The following PTPRR variants were observed in gnomAD, a reference collection of about 807,000 sequenced individuals.
PTPRR encodes protein tyrosine phosphatase receptor type R, also known as receptor-type tyrosine-protein phosphatase R.
A neutral mutation model predicts 77.2 loss-of-function variants in PTPRR; 38 were observed. That is an observed-to-expected ratio of 0.49 (90% CI 0.38 to 0.65). The LOEUF (loss-of-function observed/expected upper bound fraction) is 0.65. Ranked by LOEUF, PTPRR falls within the 30% of genes least tolerant of loss-of-function variation. The pLI is 0.00. For missense variants in PTPRR, 744 were observed against 799.2 expected, an observed-to-expected ratio of 0.93 and a Z score of 0.83; for synonymous variants, 299 against 283.1, an observed-to-expected ratio of 1.06 and a Z score of -0.57.
chr12:70,639,064 C>A lies in PTPRR; in HGVS notation c.*120G>T. On this transcript the variant is annotated 3_prime_UTR_variant, in exon 14 of 14. Coordinates refer to ENST00000283228, the MANE Select transcript of PTPRR (RefSeq NM_002849.4). ...TTGCCCAGTCTTCCACAATCCATGCCATACATGGGCTTCAGAGCTTCTCCT... is the reference window on the plus strand; with the variant it reads ...TTGCCCAGTCTTCCACAATCCATGCAATACATGGGCTTCAGAGCTTCTCCT... 1.3e-6 allele frequency: 1 copy of A among 787,206 alleles called. No homozygotes were observed. Among genetic ancestry groups the A allele is most frequent in the Non-Finnish European group, 2.1e-6 (1 of 479,456 alleles). The allele number at this position is 787,206 out of a possible 1,614,324, so 48.8% of individuals were successfully genotyped here.
rs185358293 is a variant in PTPRR at position 70,784,730 on chromosome 12, A to G, written c.358-19952T>C. Among the ~76,000 whole-genome samples, 25 of 152,376 alleles carry G rather than the reference A, an allele frequency of 1.6e-4. No homozygotes were observed. In the East Asian group the frequency reaches 4.2e-3, roughly 26 times the overall value. ...AAAGATACGTGTTTACTGCACATCAATGTTGAAAATGAATAGTTTAGTGAC... is the reference window on the plus strand; with the variant it reads ...AAAGATACGTGTTTACTGCACATCAGTGTTGAAAATGAATAGTTTAGTGAC... On this transcript the variant is annotated intron_variant, in intron 2 of 13. Coordinates refer to ENST00000283228, the MANE Select transcript of PTPRR (RefSeq NM_002849.4).
chr12:70,849,847 T>C (rs1000329883), intron 2 of PTPRR, among the ~76,000 whole-genome samples: 6 of 152,126 alleles, frequency 3.9e-5, no homozygotes, highest in African/African-American at 9.7e-5. Context: ...AACATAAACA[T>C]GTGACTTTCT....
intron 6 of PTPRR, among the ~76,000 whole-genome samples, chr12:70,734,100 G>A (rs1889781498): frequency 6.6e-6 from 1 of 152,104 alleles, no homozygotes; most frequent in African/African-American, 2.4e-5. Flanking sequence ...GCTTATGCTG[G>A]GAATTATCTG....
chr12:70,874,300 A>G (rs1003484217), intron 2 of PTPRR, among the ~76,000 whole-genome samples: 1 of 152,170 alleles, frequency 6.6e-6, no homozygotes, highest in Admixed American at 6.5e-5. Flanking sequence ...AAATAAGTAG[A>G]GTGGTGGCAT....
intron 2 of PTPRR, among the ~76,000 whole-genome samples, chr12:70,773,658 C>T (rs1891029123): frequency 6.6e-6 from 1 of 152,162 alleles, no homozygotes; most frequent in Non-Finnish European, 1.5e-5. Flanking sequence ...ATAGATCTTT[C>T]TGTTCCAGGT....
chr12:70,767,583 A>C (rs934507184), intron 2 of PTPRR, among the ~76,000 whole-genome samples: 8 of 152,150 alleles, frequency 5.3e-5, no homozygotes, highest in Non-Finnish European at 8.8e-5. Flanking sequence ...TTAACACCCC[A>C]CTGTCAACAT....
chr12:70,783,979 C>T (rs973672810), intron 2 of PTPRR, among the ~76,000 whole-genome samples: 5 of 152,014 alleles, frequency 3.3e-5, no homozygotes, highest in Admixed American at 6.5e-5. Flanking sequence ...CAGATTAGAG[C>T]GGGTGCCCGG....
intron 2 of PTPRR, among the ~76,000 whole-genome samples, chr12:70,837,402 A>C (rs752976407): frequency 1.8e-4 from 28 of 152,232 alleles, no homozygotes; most frequent in Non-Finnish European, 3.7e-4. Context: ...AATTCAGTGG[A>C]TCTGAGAATA....
intron 2 of PTPRR, among the ~76,000 whole-genome samples, chr12:70,806,365 G>A (rs1891709499): frequency 6.6e-6 from 1 of 152,190 alleles, no homozygotes; most frequent in South Asian, 2.1e-4. Flanking sequence ...TAGGTGATAA[G>A]ATACGCAGTT....
intron 5 of PTPRR, among the ~76,000 whole-genome samples, chr12:70,747,172 C>A (rs952193333): frequency 3.9e-4 from 60 of 152,224 alleles, no homozygotes; most frequent in Middle Eastern, 3.4e-3. Flanking sequence ...GTTTTTAACT[C>A]ACTGCTTCTC....
chr12:70,904,568 GT>G (rs759293857), intron 1 of PTPRR, among the ~76,000 whole-genome samples: 1 of 151,842 alleles, frequency 6.6e-6, no homozygotes, highest in African/African-American at 2.4e-5. Flanking sequence ...ATAGTAGGAA[GT>G]TTTTTTGTGG....
chr12:70,884,404 CA>C (rs1565729849), intron 2 of PTPRR, among the ~76,000 whole-genome samples: 3 of 152,042 alleles, frequency 2.0e-5, no homozygotes, highest in African/African-American at 7.2e-5. Context: ...GAAAAGGGGA[CA>C]AAGTCATTAA....
chr12:70,671,170 T>C (rs1263603495), intron 10 of PTPRR, among the ~76,000 whole-genome samples: 2 of 152,220 alleles, frequency 1.3e-5, no homozygotes, highest in Non-Finnish European at 2.9e-5. Context: ...AGAATTTTCC[T>C]GGTAGTGTGA....
chr12:70,670,557 G>A (rs1887185476), intron 10 of PTPRR, among the ~76,000 whole-genome samples: 1 of 152,214 alleles, frequency 6.6e-6, no homozygotes, highest in Admixed American at 6.5e-5. Context: ...AAATGGTAGT[G>A]GCTAGAAAAC....
chr12:70,666,414 T>A (rs1474020653), intron 10 of PTPRR, among the ~76,000 whole-genome samples: 1 of 140,638 alleles, frequency 7.1e-6, no homozygotes, highest in Non-Finnish European at 1.5e-5. Flanking sequence ...GATCTCTGTG[T>A]TCCTCAAGTT....
At chr12:70,760,697 A>G (rs1255560984) in intron 4 of PTPRR, among the ~76,000 whole-genome samples, 1 of 152,196 alleles carries the variant, frequency 6.6e-6, no homozygotes, top group East Asian at 1.9e-4. Context: ...TGTCACCTTG[A>G]GGGAGTCACT....
chr12:70,724,191 T>C (rs920339553), intron 6 of PTPRR, among the ~76,000 whole-genome samples: 2 of 152,208 alleles, frequency 1.3e-5, no homozygotes, highest in African/African-American at 4.8e-5. Flanking sequence ...TTTATAAGTG[T>C]ATATAAATTG....
intron 2 of PTPRR, among the ~76,000 whole-genome samples, chr12:70,857,903 T>C (rs1892680697): frequency 6.6e-6 from 1 of 152,132 alleles, no homozygotes; most frequent in Non-Finnish European, 1.5e-5. Flanking sequence ...AGTTGGGGCA[T>C]TTCTCTAGGG....
chr12:70,712,587 A>G lies in PTPRR; in HGVS notation c.1008-11264T>C, dbSNP rs1473230870. On this transcript the variant is annotated intron_variant, in intron 6 of 13. Transcript: ENST00000283228. ...TTTTTGATACTGTGTTTTATTATCT[A>G]TATTATGTCCAAGGAGCAGATAGAC... Among the ~76,000 whole-genome samples the G allele has an allele frequency of 4.0e-5, 6 of 151,296 alleles. No homozygotes were observed. In the East Asian group the frequency reaches 1.2e-3, roughly 29 times the overall value.
Sources: gnomAD v4.1 joint callset for allele counts (sites outside exome capture counted in the v4.1 genomes callset) on GRCh38, gnomAD v4.1.1 for gene constraint, MANE v1.5 for transcripts, NCBI Gene and HGNC (gene_info 2026-07-23, HGNC 2026-07-21) for gene names.